The following FAM163B variants were observed in gnomAD, a reference collection of about 807,000 sequenced individuals.
FAM163B encodes protein FAM163B.
FAM163B carries 4 observed loss-of-function variants against 7.6 expected under a neutral mutation model. The observed-to-expected ratio is 0.52, with a 90% CI of 0.26 to 1.20. FAM163B has a LOEUF of 1.20. FAM163B is among the 50% of genes most tolerant of loss of function. The pLI is 0.14. For missense variants in FAM163B, 250 were observed against 243.0 expected (o/e 1.03, Z -0.19); for synonymous variants, 120 against 111.6 (o/e 1.07, Z -0.47).
rs1425409151 is a variant in FAM163B, at chr9:133,606,444, GC to G, written c.-24+2632del. 6.6e-6 allele frequency among the ~76,000 whole-genome samples: 1 copy of G among 152,184 alleles called. No individual in the cohort carries two copies. The highest frequency in any genetic ancestry group is 1.5e-5 in the Non-Finnish European group (1 of 68,026). On this transcript the variant is annotated intron_variant, in intron 1 of 2. Transcript: ENST00000673969. This position sits in a 1 kb window ranked among gnomAD's most constrained non-coding sequence, Gnocchi z 4.0. The stretch of plus-strand genomic sequence containing the variant: ...AAGTGTGGCAGCAGCTGGCAGAGAA[GC>G]CCCCCAGCCCCACCCTGGCCTCTGT...
intron 1 of FAM163B, among the ~76,000 whole-genome samples, chr9:133,599,672 T>A (rs1393648922): frequency 1.3e-5 from 2 of 151,852 alleles, no homozygotes; most frequent in Non-Finnish European, 2.9e-5. Context: ...TGTATATGTG[T>A]GCATATGTGT....
chr9:133,579,101 A>G lies in FAM163B; in HGVS notation c.422T>C (p.Leu141Pro). The change falls in exon 3 of 3, where the codon CTG (leucine) becomes CCG (proline). Residue 141 changes from leucine (L) to proline (P), a missense_variant. Physicochemically the swap from Leu to Pro is moderately conservative, Grantham distance 98. Coordinates refer to ENST00000673969, the MANE Select transcript of FAM163B (RefSeq NM_001080515.3). ...VELPPGGFGG[L>P]QALNPNRLSA... Reference sequence around the variant, plus strand: ...GAGGCGGTTGGGGTTGAGCGCCTGCAGGCCCCCGAAGCCCCCCGGGGGCAG... The same window carrying G: ...GAGGCGGTTGGGGTTGAGCGCCTGCGGGCCCCCGAAGCCCCCCGGGGGCAG... 6 of 1,602,452 alleles carry G rather than the reference A, an allele frequency of 3.7e-6. No individual in the cohort carries two copies. The highest frequency in any genetic ancestry group is 5.1e-6 in the Non-Finnish European group (6 of 1,177,070).
At chr9:133,605,018 A>G (rs1831772949) in intron 1 of FAM163B, among the ~76,000 whole-genome samples, 1 of 152,192 alleles carries the variant, frequency 6.6e-6, no homozygotes, top group Non-Finnish European at 1.5e-5. Context: ...GTGTGTGAAC[A>G]CTGAGGTCAG....
At position 133,578,196 on chromosome 9, in the gene FAM163B, C is replaced by A. The variant is rs1253015525; in HGVS notation, c.*826G>T. 2.0e-5 allele frequency among the ~76,000 whole-genome samples: 3 copies of A among 152,186 alleles called. No homozygotes were observed. The highest frequency in any genetic ancestry group is 7.2e-5 in the African/African-American group (3 of 41,446). Reference sequence around the variant, plus strand: ...GGCTCTGCCCCTGACGAGCCCCGGGCTGCCTCCGTTCACTGCCGCTTGCTG... The same window carrying A: ...GGCTCTGCCCCTGACGAGCCCCGGGATGCCTCCGTTCACTGCCGCTTGCTG... On this transcript the variant is annotated 3_prime_UTR_variant, in exon 3 of 3. Transcript: ENST00000673969.
intron 1 of FAM163B, among the ~76,000 whole-genome samples, chr9:133,590,617 G>A (rs894185731): frequency 2.3e-4 from 35 of 152,330 alleles, no homozygotes; most frequent in African/African-American, 8.2e-4. Flanking sequence ...TGGATGCTCA[G>A]TAAAGCCCTC....
intron 1 of FAM163B, among the ~76,000 whole-genome samples, chr9:133,602,468 C>T (rs1831742486): frequency 6.6e-6 from 1 of 152,168 alleles, no homozygotes; most frequent in Non-Finnish European, 1.5e-5. Flanking sequence ...AATGCTAACC[C>T]CTCCTCTTCT....
At position 133,577,752 on chromosome 9, in the gene FAM163B, G is replaced by A. The variant is rs1343269568; in HGVS notation, c.*1270C>T. Among the ~76,000 whole-genome samples the A allele has an allele frequency of 2.0e-5, 3 of 152,232 alleles. No individual in the cohort carries two copies. Among genetic ancestry groups the A allele is most frequent in the Non-Finnish European group, 4.4e-5 (3 of 68,042 alleles). On this transcript the variant is annotated 3_prime_UTR_variant, in exon 3 of 3. Transcript: ENST00000673969. ...ATTGCCTCTTTCTGGGTGAGGAAGA[G>A]CTGCCTTCCTGATGGCTGGTGTCCT... is the stretch of plus-strand genomic sequence containing the variant.
chr9:133,602,860 T>C (rs986237813), intron 1 of FAM163B, among the ~76,000 whole-genome samples: 1 of 152,214 alleles, frequency 6.6e-6, no homozygotes. Context: ...CTGCCTTCCT[T>C]TGAACCAGAA....
At chr9:133,593,799 C>T (rs560617679) in intron 1 of FAM163B, among the ~76,000 whole-genome samples, 28 of 152,374 alleles carry the variant, frequency 1.8e-4, no homozygotes, top group African/African-American at 1.2e-4. Context: ...ATTCGCACCC[C>T]GGCCCCGAAC....
chr9:133,589,265 A>G (rs1249930641), intron 1 of FAM163B, among the ~76,000 whole-genome samples: 1 of 152,048 alleles, frequency 6.6e-6, no homozygotes, highest in East Asian at 1.9e-4. Context: ...TGTGCCAAGC[A>G]CCACTATCTC....
intron 1 of FAM163B, among the ~76,000 whole-genome samples, chr9:133,590,769 C>T (rs1831541093): frequency 6.6e-6 from 1 of 152,142 alleles, no homozygotes; most frequent in Non-Finnish European, 1.5e-5. Flanking sequence ...GGAAACTCTG[C>T]CCCCAGCCAG....
At chr9:133,599,685 GTGTGCATGTGTATC>G (rs1178944238) in intron 1 of FAM163B, among the ~76,000 whole-genome samples, 4 of 151,232 alleles carry the variant, frequency 2.6e-5, no homozygotes, top group African/African-American at 4.9e-5. Flanking sequence ...ATATGTGTCA[GTGTGCATGTGTATC>G]TGTGCATGTG....
Position 133,595,121 on chromosome 9 carries a change from G to T in FAM163B, c.-24+13956C>A, listed in dbSNP as rs531722281. Among the ~76,000 whole-genome samples the T allele has an allele frequency of 8.5e-5, 13 of 152,264 alleles. No homozygotes were observed. The South Asian group carries it at 2.7e-3, about 32-fold the overall frequency. On this transcript the variant is annotated intron_variant, in intron 1 of 2. Coordinates refer to ENST00000673969, the MANE Select transcript of FAM163B (RefSeq NM_001080515.3). The stretch of plus-strand genomic sequence containing the variant: ...ACGTGCATCGAGTAGCCTGGGGAGC[G>T]GGGCTGCAGGACTGTGCATTTGTTT...
chr9:133,579,581 T>C (rs1831322691), intron 2 of FAM163B, 152 bp from the exon 3 acceptor site: 1 of 964,004 alleles, frequency 1.0e-6, no homozygotes, highest in African/African-American at 1.6e-5. Flanking sequence ...GTTTAACCAG[T>C]GCTATGGGTC....
chr9:133,587,968 C>T (rs953566451), intron 1 of FAM163B, among the ~76,000 whole-genome samples: 3 of 37,670 alleles, frequency 8.0e-5, no homozygotes, highest in East Asian at 6.5e-4. Flanking sequence ...GGGGCGCGAA[C>T]GGGGGGCGAG....
chr9:133,584,291 G>C (rs1831400497), intron 1 of FAM163B, among the ~76,000 whole-genome samples: 1 of 152,162 alleles, frequency 6.6e-6, no homozygotes, highest in Admixed American at 6.5e-5. Flanking sequence ...TGGCCCAGGT[G>C]ATACGAGTCT....
intron 1 of FAM163B, among the ~76,000 whole-genome samples, chr9:133,599,791 C>A (rs958109898): frequency 3.5e-5 from 5 of 144,882 alleles, no homozygotes; most frequent in African/African-American, 1.3e-4. Flanking sequence ...CGTGTGTGTG[C>A]ATGTGATCTG....
chr9:133,603,075 C>T (rs746621833), intron 1 of FAM163B, among the ~76,000 whole-genome samples: 1 of 152,172 alleles, frequency 6.6e-6, no homozygotes, highest in Non-Finnish European at 1.5e-5. Context: ...TGCTCGCCTT[C>T]GGATTGGGAA....
In FAM163B at chr9:133,589,681, G is replaced by C. The variant is rs188826472; in HGVS notation, c.-23-9435C>G. ...CTGATTTCAATGCAGTGGGGGCCGCGGCCCACACTTGCACCGCAGGCCCTG... is the reference window on the plus strand; with the variant it reads ...CTGATTTCAATGCAGTGGGGGCCGCCGCCCACACTTGCACCGCAGGCCCTG... On this transcript the variant is annotated intron_variant, in intron 1 of 2. Transcript: ENST00000673969. Among the ~76,000 whole-genome samples, 86 of 152,196 alleles carry C rather than the reference G, an allele frequency of 5.7e-4. 1 individual carries two copies. The Middle Eastern group carries it at 0.014, about 24-fold the overall frequency.
Sources: allele counts gnomAD v4.1 joint callset (sites outside exome capture counted in the v4.1 genomes callset), GRCh38; gene constraint gnomAD v4.1.1; non-coding constraint Gnocchi (gnomAD v3.1); transcripts MANE v1.5; gene names NCBI Gene and HGNC (gene_info 2026-07-23, HGNC 2026-07-21).